MNAT1: variants seen among roughly 807,000 people sequenced by gnomAD.
The protein encoded by MNAT1 is CDK-activating kinase assembly factor MAT1.
MNAT1 carries 43 observed loss-of-function variants against 42.0 expected under a neutral mutation model. The observed-to-expected ratio is 1.02, with a 90% CI of 0.80 to 1.32. The LOEUF is 1.32. Among genes scored for constraint, MNAT1 ranks in the 40% most tolerant of loss-of-function variants. The probability of loss-of-function intolerance (pLI) is 0.00; values close to 1 mark genes in which losing one functional copy is unlikely to be tolerated. For missense variants in MNAT1, 306 were observed against 350.4 expected (o/e 0.87, Z 1.01); for synonymous variants, 118 against 120.0 (o/e 0.98, Z 0.11).
intron 7 of MNAT1, among the ~76,000 whole-genome samples, chr14:60,883,064 G>T (rs762813446): frequency 1.2e-4 from 18 of 151,962 alleles, no homozygotes; most frequent in Admixed American, 3.9e-4. Context: ...TCTTCGCTTT[G>T]CAGAAGCTTT....
intron 1 of MNAT1, among the ~76,000 whole-genome samples, chr14:60,748,471 T>A (rs2029927971): frequency 6.6e-6 from 1 of 152,178 alleles, no homozygotes; most frequent in South Asian, 2.1e-4. Context: ...GCTCAAGTGA[T>A]CCTCTCGCCT....
chr14:60,868,660 AGG>A, intron 6 of MNAT1, among the ~76,000 whole-genome samples: 1 of 152,244 alleles, frequency 6.6e-6, no homozygotes, highest in East Asian at 1.9e-4. Context: ...TCTTTTCAGT[AGG>A]TGGTTATATT....
intron 1 of MNAT1, among the ~76,000 whole-genome samples, chr14:60,781,953 T>G (rs915960089): frequency 6.8e-6 from 1 of 146,016 alleles, no homozygotes; most frequent in Non-Finnish European, 1.5e-5. Flanking sequence ...TGGATTTTGT[T>G]TGTGTGTGTG....
intron 7 of MNAT1, among the ~76,000 whole-genome samples, chr14:60,951,188 A>C (rs372078183): frequency 1.3e-5 from 2 of 152,236 alleles, no homozygotes; most frequent in South Asian, 2.1e-4. Context: ...CAAACATCAA[A>C]AAATTCTAAA....
At chr14:60,760,398 T>A (rs2030552456) in intron 1 of MNAT1, among the ~76,000 whole-genome samples, 1 of 152,160 alleles carries the variant, frequency 6.6e-6, no homozygotes, top group Non-Finnish European at 1.5e-5. Context: ...CCACCACACT[T>A]GCGTAACATG....
At chr14:60,741,339 CTTAT>C (rs1346157192) in intron 1 of MNAT1, among the ~76,000 whole-genome samples, 3 of 151,926 alleles carry the variant, frequency 2.0e-5, no homozygotes, top group South Asian at 2.1e-4. Context: ...CCACACCTGG[CTTAT>C]TTATTTATTT....
intron 6 of MNAT1, among the ~76,000 whole-genome samples, chr14:60,859,934 C>A (rs1185049090): frequency 1.3e-5 from 2 of 152,044 alleles, no homozygotes; most frequent in African/African-American, 4.8e-5. Context: ...AGACAAAATG[C>A]GAAAAAGCTA....
intron 7 of MNAT1, among the ~76,000 whole-genome samples, chr14:60,964,622 A>G (rs891319828): frequency 6.6e-6 from 1 of 152,222 alleles, no homozygotes; most frequent in Non-Finnish European, 1.5e-5. Flanking sequence ...GATTGGCTAA[A>G]TAGTCAGAGC....
At chr14:60,752,965 A>G (rs1233305473) in intron 1 of MNAT1, among the ~76,000 whole-genome samples, 4 of 152,124 alleles carry the variant, frequency 2.6e-5, no homozygotes, top group Admixed American at 2.6e-4. Context: ...GGGTTTTGCC[A>G]TGTTGGCCAG....
chr14:60,776,413 G>A (rs1316758113), intron 1 of MNAT1, among the ~76,000 whole-genome samples: 2 of 152,124 alleles, frequency 1.3e-5, no homozygotes, highest in Non-Finnish European at 2.9e-5. Flanking sequence ...TAAGTGGGAT[G>A]GGGCAAGAGA....
chr14:60,888,369 G>A (rs1184498828), intron 7 of MNAT1, among the ~76,000 whole-genome samples: 4 of 152,036 alleles, frequency 2.6e-5, no homozygotes, highest in Non-Finnish European at 4.4e-5. Context: ...CTCAATAGAT[G>A]CAGAAAAGCC....
At chr14:60,845,725 C>G (rs1180739287) in intron 6 of MNAT1, among the ~76,000 whole-genome samples, 1 of 152,050 alleles carries the variant, frequency 6.6e-6, no homozygotes, top group East Asian at 1.9e-4. Flanking sequence ...TCTCTACTTT[C>G]TGTTTCTGTA....
intron 7 of MNAT1, among the ~76,000 whole-genome samples, chr14:60,930,206 T>TTATTATTATTA (rs1555336831): frequency 7.2e-6 from 1 of 138,750 alleles, no homozygotes; most frequent in Admixed American, 7.3e-5. Context: ...TTCTTCCGTC[T>TTATTATTATTA]TTATTATTAT....
intron 1 of MNAT1, among the ~76,000 whole-genome samples, chr14:60,788,838 A>G (rs1407571922): frequency 1.3e-5 from 2 of 152,214 alleles, no homozygotes; most frequent in Non-Finnish European, 2.9e-5. Flanking sequence ...TTTTGGTTTA[A>G]GGGAATGTTG....
chr14:60,825,312 C>A (rs1289903344), intron 6 of MNAT1, among the ~76,000 whole-genome samples: 2 of 152,102 alleles, frequency 1.3e-5, no homozygotes, highest in African/African-American at 4.8e-5. Flanking sequence ...TACATGAATT[C>A]ATTAGTGTCA....
chr14:60,779,063 C>T (rs1200645067), intron 1 of MNAT1, among the ~76,000 whole-genome samples: 2 of 152,140 alleles, frequency 1.3e-5, no homozygotes, highest in Non-Finnish European at 2.9e-5. Flanking sequence ...TTAAGCCATG[C>T]CTGCTGTCTG....
At chr14:60,966,665 A>G (rs1197210318) in intron 7 of MNAT1, among the ~76,000 whole-genome samples, 1 of 151,946 alleles carries the variant, frequency 6.6e-6, no homozygotes, top group African/African-American at 2.4e-5. Context: ...GGCATGTGCC[A>G]CCACGCCCAG....
At position 60,914,452 on chromosome 14, in the gene MNAT1, C is replaced by T. The variant is rs191976015; in HGVS notation, c.809+34617C>T. ...GCTGTAGACTGGAGCTGTTCCTATT[C>T]GGCCATCTTGGCTCCCCAGCTTTGA... On this transcript the variant is annotated intron_variant, in intron 7 of 7. Coordinates refer to ENST00000261245, the MANE Select transcript of MNAT1 (RefSeq NM_002431.4). Among the ~76,000 whole-genome samples, 18 of 152,234 alleles carry T rather than the reference C, an allele frequency of 1.2e-4. No individual in the cohort carries two copies. In the South Asian group the frequency reaches 2.1e-3, roughly 18 times the overall value.
intron 7 of MNAT1, among the ~76,000 whole-genome samples, chr14:60,952,756 G>T (rs1225079393): frequency 3.3e-5 from 5 of 152,136 alleles, no homozygotes; most frequent in African/African-American, 9.7e-5. Context: ...CTATAATTAA[G>T]ATAGAAGGAC....
Sources: allele counts gnomAD v4.1 joint callset (sites outside exome capture counted in the v4.1 genomes callset), GRCh38; gene constraint gnomAD v4.1.1; transcripts MANE v1.5; gene names NCBI Gene and HGNC (gene_info 2026-07-23, HGNC 2026-07-21).